Variants in EFCAB5 observed in about 807,000 individuals in gnomAD.
EFCAB5 encodes the protein EF-hand calcium binding domain 5, also known as EF-hand calcium-binding domain-containing protein 5.
In EFCAB5, 131 loss-of-function variants were observed where a neutral mutation model predicts 167.9. That is an observed-to-expected ratio of 0.78 (90% CI 0.68 to 0.90). EFCAB5 has a LOEUF of 0.90. Ranked by LOEUF, EFCAB5 falls within the 40% of genes least tolerant of loss-of-function variation. The pLI is 0.00. For missense variants in EFCAB5, 1,663 were observed against 1,745.2 expected, an observed-to-expected ratio of 0.95 and a Z score of 0.84; for synonymous variants, 574 against 602.8, an observed-to-expected ratio of 0.95 and a Z score of 0.70.
chr17:30,019,964 C>A (rs1055764792), intron 7 of EFCAB5, among the ~76,000 whole-genome samples: 3 of 152,086 alleles, frequency 2.0e-5, no homozygotes, highest in Non-Finnish European at 2.9e-5. Flanking sequence ...TTAAATCAAG[C>A]TAATTAACAT....
At chr17:30,094,215 C>T (rs758596620) in intron 22 of EFCAB5, among the ~76,000 whole-genome samples, 5 of 152,138 alleles carry the variant, frequency 3.3e-5, no homozygotes, top group Non-Finnish European at 7.3e-5. Flanking sequence ...CTCACCCCCA[C>T]TTCATCCTAG....
chr17:29,954,161 C>T (rs977615053), intron 3 of EFCAB5, among the ~76,000 whole-genome samples: 4 of 152,012 alleles, frequency 2.6e-5, no homozygotes, highest in African/African-American at 2.4e-5. Flanking sequence ...AAAAGAAAAC[C>T]CCATTTTCTG....
intron 4 of EFCAB5, among the ~76,000 whole-genome samples, chr17:29,981,142 C>T (rs1437070850): frequency 1.3e-5 from 2 of 152,100 alleles, no homozygotes; most frequent in African/African-American, 2.4e-5. Context: ...TTTTTAAAGG[C>T]TAATATTACC....
chr17:29,999,767 T>C, intron 6 of EFCAB5, 139 bp from the exon 7 acceptor site: 1 of 523,614 alleles, frequency 1.9e-6, no homozygotes, highest in East Asian at 3.4e-5. Flanking sequence ...TACCCAACTA[T>C]ATGTAATTCA....
chr17:30,107,804 TCTTAC>T (rs2071468136), intron 22 of EFCAB5, 25 bp from the exon 23 acceptor site: 1 of 1,440,328 alleles, frequency 6.9e-7, no homozygotes, highest in Non-Finnish European at 9.0e-7. Flanking sequence ...AACTCTCCAC[TCTTAC>T]TTTTCTTTTT....
chr17:30,018,027 T>C (rs1183311837), intron 7 of EFCAB5, among the ~76,000 whole-genome samples: 3 of 152,184 alleles, frequency 2.0e-5, no homozygotes, highest in East Asian at 3.8e-4. Context: ...CTATATTTTC[T>C]GAGTTCTTAT....
At chr17:30,024,076 T>C (rs2069252069) in intron 7 of EFCAB5, among the ~76,000 whole-genome samples, 1 of 152,128 alleles carries the variant, frequency 6.6e-6, no homozygotes, top group Admixed American at 6.5e-5. Context: ...GCCAATATCA[T>C]ACTGAATGGG....
At position 29,993,168 on chromosome 17, in the gene EFCAB5, A is replaced by T. The variant is rs957738029; in HGVS notation, c.771A>T (p.Val257=). The stretch of plus-strand genomic sequence containing the variant: ...TTTCTATATCTACATCCTGCAGAGT[A>T]TCCAAGATGAAGGAGAATGTTAAAC... ...IYVPDTICNR[V]SKMKENVKQN... is the part of the protein sequence containing the mutation. Residue 257 remains valine, a synonymous_variant, in exon 5 of 23, where the codon GTA becomes GTT. Transcript: ENST00000394835. The T allele has an allele frequency of 3.1e-6, 5 of 1,609,216 alleles. No homozygotes were observed. The African/African-American group carries it at 6.7e-5, about 21-fold the overall frequency.
chr17:29,934,075 A>T (rs1271391952), intron 1 of EFCAB5, among the ~76,000 whole-genome samples: 1 of 152,216 alleles, frequency 6.6e-6, no homozygotes, highest in Non-Finnish European at 1.5e-5. Context: ...ATGTCTAAAA[A>T]TTTAATGAAA....
chr17:30,015,657 G>A lies in EFCAB5; in HGVS notation c.1044+15681G>A, dbSNP rs1466881330. ...TTTTTTATTATAGCCATCTTTATGG[G>A]CATGAAGTGGTAGCACATTGTGCTT... On this transcript the variant is annotated intron_variant, in intron 7 of 22. Transcript: ENST00000394835. 3.3e-5 allele frequency among the ~76,000 whole-genome samples: 5 copies of A among 151,844 alleles called. No individual in the cohort carries two copies. In the East Asian group the frequency reaches 9.6e-4, roughly 29 times the overall value.
In EFCAB5 at chr17:30,092,828, G is replaced by A; in HGVS notation, c.4225-12G>A. On this transcript the variant is annotated splice_polypyrimidine_tract_variant and intron_variant, in intron 21 of 22. Coordinates refer to ENST00000394835, the MANE Select transcript of EFCAB5 (RefSeq NM_198529.4). ...GTGATCCCATAAATTTTCTCTTGTT[G>A]TTTGTTCACAGTATGTTAACAAATA... 2 of 1,594,224 alleles carry A rather than the reference G, an allele frequency of 1.3e-6. No homozygotes were observed. Among genetic ancestry groups the A allele is most frequent in the Non-Finnish European group, 1.7e-6 (2 of 1,167,802 alleles).
At chr17:30,040,816 T>C (rs2069749724) in intron 8 of EFCAB5, among the ~76,000 whole-genome samples, 1 of 152,240 alleles carries the variant, frequency 6.6e-6, no homozygotes. Context: ...TTAGTTGCTT[T>C]GGCTTACTCA....
intron 8 of EFCAB5, among the ~76,000 whole-genome samples, chr17:30,042,491 G>T (rs1270812127): frequency 1.3e-5 from 2 of 152,132 alleles, no homozygotes; most frequent in Non-Finnish European, 2.9e-5. Flanking sequence ...TTAAAAGGAT[G>T]ATAGGAAACA....
At chr17:29,931,825 T>A (rs1337224749) in intron 1 of EFCAB5, among the ~76,000 whole-genome samples, 2 of 152,146 alleles carry the variant, frequency 1.3e-5, no homozygotes, top group Non-Finnish European at 2.9e-5. Context: ...AATCTGTAGG[T>A]CTTAGTACTT....
intron 6 of EFCAB5, among the ~76,000 whole-genome samples, chr17:29,999,351 G>T (rs2068612479): frequency 6.6e-6 from 1 of 152,110 alleles, no homozygotes; most frequent in African/African-American, 2.4e-5. Flanking sequence ...TGCATAGAAA[G>T]GTTGCTGGAA....
chr17:30,069,702 C>A, intron 14 of EFCAB5: 1 of 1,235,740 alleles, frequency 8.1e-7, no homozygotes, highest in Non-Finnish European at 1.2e-6. Context: ...CTCATGTACC[C>A]GCCGTAGTCT....
intron 7 of EFCAB5, among the ~76,000 whole-genome samples, chr17:30,016,276 T>C (rs2151695218): frequency 6.6e-6 from 1 of 152,286 alleles, no homozygotes; most frequent in Middle Eastern, 3.4e-3. Flanking sequence ...ATTTTTTTTC[T>C]TTTGTTGATT....
intron 7 of EFCAB5, among the ~76,000 whole-genome samples, chr17:30,017,184 G>GA (rs904675785): frequency 1.0e-4 from 15 of 148,548 alleles, no homozygotes; most frequent in East Asian, 4.0e-4. Flanking sequence ...CTCAAAAAAA[G>GA]AAAAAAAAAT....
intron 7 of EFCAB5, among the ~76,000 whole-genome samples, chr17:30,026,070 A>G (rs1326706582): frequency 6.6e-6 from 1 of 151,908 alleles, no homozygotes; most frequent in Non-Finnish European, 1.5e-5. Context: ...CCTAATGCTA[A>G]ATGACGAGTT....
Sources: gnomAD v4.1 joint callset for allele counts (sites outside exome capture counted in the v4.1 genomes callset) on GRCh38, gnomAD v4.1.1 for gene constraint, MANE v1.5 for transcripts, NCBI Gene and HGNC (gene_info 2026-07-23, HGNC 2026-07-21) for gene names.